The following TACC2 variants were observed in gnomAD, a reference collection of about 807,000 sequenced individuals.
The protein encoded by TACC2 is transforming acidic coiled-coil-containing protein 2.
TACC2 carries 137 observed loss-of-function variants against 227.3 expected under a neutral mutation model. The ratio of observed to expected loss-of-function variants is 0.60; its 90% confidence interval spans 0.52 to 0.69. The LOEUF is 0.69. TACC2 is among the 30% of genes least tolerant of loss of function. TACC2 has a pLI of 0.00. For missense variants in TACC2, 3,470 were observed against 3,694.4 expected (o/e 0.94, Z 1.57); for synonymous variants, 1,523 against 1,487.5 (o/e 1.02, Z -0.55).
intron 7 of TACC2, chr10:122,163,754 G>A: frequency 8.4e-7 from 1 of 1,197,584 alleles, no homozygotes; most frequent in Non-Finnish European, 1.0e-6. Context: ...CTCGGGCCGC[G>A]AGTCGCAGCT....
At chr10:122,192,727 T>C (rs1336845698) in intron 7 of TACC2, 1 of 456,610 alleles carries the variant, frequency 2.2e-6, no homozygotes, top group Admixed American at 2.3e-5. Context: ...ATGGGCCCGG[T>C]GGATGTGGAC....
chr10:122,034,103 G>C (rs1315607046), intron 2 of TACC2, among the ~76,000 whole-genome samples: 3 of 145,288 alleles, frequency 2.1e-5, no homozygotes, highest in African/African-American at 7.7e-5. Flanking sequence ...AGTGAGCCGA[G>C]ACTGTGCCAC....
intron 7 of TACC2, among the ~76,000 whole-genome samples, chr10:122,172,683 G>C (rs1394060076): frequency 6.6e-6 from 1 of 152,222 alleles, no homozygotes; most frequent in Non-Finnish European, 1.5e-5. Context: ...AGGATCCTGT[G>C]ACTGCCCATT....
intron 21 of TACC2, 145 bp from the exon 22 acceptor site, chr10:122,249,399 T>C: frequency 8.7e-7 from 1 of 1,155,608 alleles, no homozygotes. Context: ...TTGGGTTTGG[T>C]GTTCTCATGG....
intron 5 of TACC2, among the ~76,000 whole-genome samples, chr10:122,106,526 A>G (rs2082826661): frequency 6.6e-6 from 1 of 152,232 alleles, no homozygotes; most frequent in African/African-American, 2.4e-5. Context: ...CATAATTTTA[A>G]AGGAAGCTGC....
chr10:122,114,318 C>CT (rs2138144568), intron 5 of TACC2, among the ~76,000 whole-genome samples: 1 of 152,294 alleles, frequency 6.6e-6, no homozygotes, highest in Non-Finnish European at 1.5e-5. Context: ...CTGGAAATGA[C>CT]TTTTTTTCCG....
At position 122,195,036 on chromosome 10, in the gene TACC2, T is replaced by A; in HGVS notation, c.5835-4T>A. On this transcript the variant is annotated splice_polypyrimidine_tract_variant and splice_region_variant and intron_variant, in intron 7 of 22. Coordinates refer to ENST00000369005, the MANE Select transcript of TACC2 (RefSeq NM_206862.4). ...CTAACCTGTGCTTCTCCCTCTCTCA[T>A]CAGGAGTTCCGATTCTGAAGAGGCA... 6.2e-7 allele frequency: 1 copy of A among 1,609,388 alleles called. No individual in the cohort carries two copies. The highest frequency in any genetic ancestry group is 8.5e-7 in the Non-Finnish European group (1 of 1,177,258).
chr10:122,067,467 T>G (rs1020619456), intron 3 of TACC2, among the ~76,000 whole-genome samples: 1 of 151,844 alleles, frequency 6.6e-6, no homozygotes, highest in African/African-American at 2.4e-5. Context: ...GCAGTTTGGT[T>G]ACGATATGCC....
chr10:122,023,912 A>C (rs2947605), intron 2 of TACC2: 97,778 of 151,730 alleles, frequency 0.64, 31,905 homozygotes, highest in African/African-American at 0.74. Context: ...TTAAACAGGG[A>C]AGCCACCATC....
At position 122,087,601 on chromosome 10, in the gene TACC2, G is replaced by C. The variant is rs560783379; in HGVS notation, c.5101G>C (p.Ala1701Pro). ...CCTGGAGCCTGGCAAGGTGGCAGGCGCTGCTGGGGAAGCAGAGGGTGACAT... is the reference window on the plus strand; with the variant it reads ...CCTGGAGCCTGGCAAGGTGGCAGGCCCTGCTGGGGAAGCAGAGGGTGACAT... ...TPLEPGKVAG[A>P]AGEAEGDITL... is the part of the protein sequence containing the mutation. The change falls in exon 4 of 23, where the codon GCT becomes CCT. Residue 1701 changes from alanine to proline, a missense_variant. Physicochemically the swap from Ala to Pro is conservative, Grantham distance 27. Coordinates refer to ENST00000369005, the MANE Select transcript of TACC2 (RefSeq NM_206862.4). The C allele has an allele frequency of 6.2e-6, 10 of 1,613,586 alleles. No homozygotes were observed. Among genetic ancestry groups the C allele is most frequent in the Non-Finnish European group, 8.5e-6 (10 of 1,179,992 alleles).
intron 1 of TACC2, among the ~76,000 whole-genome samples, chr10:121,991,359 G>C (rs567612002): frequency 4.6e-5 from 7 of 152,184 alleles, no homozygotes; most frequent in African/African-American, 1.7e-4. Context: ...GAAATGTTTT[G>C]TTTTCTTTGC....
At position 122,086,371 on chromosome 10, in the gene TACC2, C is replaced by G; in HGVS notation, c.3871C>G (p.Leu1291Val). 6.2e-7 allele frequency: 1 copy of G among 1,613,630 alleles called. No homozygotes were observed. The highest frequency in any genetic ancestry group is 1.1e-5 in the South Asian group (1 of 91,084). Residue 1291 changes from leucine (L) to valine (V), a missense_variant, in exon 4 of 23, where the codon CTC (leucine) becomes GTC (valine). By Grantham distance (32) the Leu-to-Val change is conservative (BLOSUM62 1). Around this residue, in one of 10 missense-constraint regions of TACC2, gnomAD observed 1,924 missense variants for 1,978.3 expected, o/e 0.97. Transcript: ENST00000369005. ...CTCCTTGAAGCTGTTTGCTGGCTCC[C>G]TCGCCCCCCTGTTGCAACCAGGAGC... Reference protein sequence around the residue: ...AASLKLFAGSLAPLLQPGAAG... With the variant: ...AASLKLFAGSVAPLLQPGAAG...
At position 122,086,598 on chromosome 10, in the gene TACC2, A is replaced by G. The variant is rs774783738; in HGVS notation, c.4098A>G (p.Ala1366=). The G allele has an allele frequency of 3.4e-5, 54 of 1,597,874 alleles. No individual in the cohort carries two copies. The highest frequency in any genetic ancestry group is 4.4e-5 in the Non-Finnish European group (52 of 1,172,076). The change falls in exon 4 of 23, where the codon GCA becomes GCG. Residue 1366 remains alanine (A), a synonymous_variant. Coordinates refer to ENST00000369005, the MANE Select transcript of TACC2 (RefSeq NM_206862.4). The part of the protein sequence containing the change: ...KASGEGMAGD[A]AGETEGSMER... ...GTGGGGAGGGCATGGCAGGTGATGC[A>G]GCAGGAGAGACAGAGGGCAGCATGG...
intron 1 of TACC2, among the ~76,000 whole-genome samples, chr10:122,008,264 A>ATTATTATTATTATTATTTTT: frequency 7.4e-6 from 1 of 134,664 alleles, no homozygotes; most frequent in African/African-American, 2.8e-5. Context: ...TATTATTATT[A>ATTATTATTATTATTATTTTT]TTTTTTTTTT....
intron 5 of TACC2, among the ~76,000 whole-genome samples, chr10:122,093,694 C>T (rs1355537108): frequency 1.3e-5 from 2 of 152,172 alleles, no homozygotes; most frequent in Admixed American, 6.5e-5. Context: ...CTTTTCCATC[C>T]TCAGTTTCTC....
chr10:122,179,585 C>CA (rs1478924237), intron 7 of TACC2, among the ~76,000 whole-genome samples: 1 of 152,170 alleles, frequency 6.6e-6, no homozygotes, highest in East Asian at 1.9e-4. Flanking sequence ...GAGCAAGCTC[C>CA]ATACCCTTCT....
At chr10:122,024,715 T>C (rs1249683482) in intron 2 of TACC2, among the ~76,000 whole-genome samples, 1 of 152,232 alleles carries the variant, frequency 6.6e-6, no homozygotes, top group East Asian at 1.9e-4. Context: ...TCTTGAGATT[T>C]ATCCAAGTAC....
chr10:122,163,838 C>T, intron 7 of TACC2: 2 of 1,478,646 alleles, frequency 1.4e-6, no homozygotes, highest in South Asian at 1.4e-5. Context: ...CGGCCGCCGG[C>T]CGGCTCGCCC....
chr10:122,154,988 C>T (rs895873694), intron 7 of TACC2, among the ~76,000 whole-genome samples: 32 of 152,322 alleles, frequency 2.1e-4, no homozygotes, highest in Non-Finnish European at 3.7e-4. Context: ...CAGCCCTGTG[C>T]CAGCTTCTGT....
Sources: gnomAD v4.1 joint callset for allele counts (sites outside exome capture counted in the v4.1 genomes callset) on GRCh38, gnomAD v4.1.1 for gene constraint, gnomAD v4.1.1 regional missense constraint, MANE v1.5 for transcripts, NCBI Gene and HGNC (gene_info 2026-07-23, HGNC 2026-07-21) for gene names.